The following NAPEPLD variants were observed in gnomAD, a reference collection of about 807,000 sequenced individuals.
NAPEPLD encodes N-acyl phosphatidylethanolamine phospholipase D, also known as N-acyl-phosphatidylethanolamine-hydrolyzing phospholipase D.
Under a neutral mutation model 38.1 loss-of-function variants are expected in NAPEPLD, and 23 were observed. The ratio of observed to expected loss-of-function variants is 0.60; its 90% CI spans 0.43 to 0.86. The LOEUF (loss-of-function observed/expected upper bound fraction) is 0.86, where lower values mean the gene tolerates loss of function less well. Among genes scored for constraint, NAPEPLD ranks in the 40% least tolerant of loss-of-function variants. The probability of loss-of-function intolerance (pLI) is 0.00; values close to 1 mark genes in which losing one functional copy is unlikely to be tolerated. For synonymous variants in NAPEPLD, 147 were observed against 162.0 expected, an observed-to-expected ratio of 0.91 and a Z score of 0.71; for missense variants, 411 against 476.8, an observed-to-expected ratio of 0.86 and a Z score of 1.28.
In NAPEPLD at chr7:103,124,772, C is replaced by T. The variant is rs141467951; in HGVS notation, c.294+3711G>A. Among the ~76,000 whole-genome samples the T allele has an allele frequency of 2.0e-4, 30 of 152,278 alleles. No homozygotes were observed. The East Asian group carries it at 5.6e-3, about 28-fold the overall frequency. On this transcript the variant is annotated intron_variant, in intron 2 of 4. Transcript: ENST00000465647. ...AAATTTGTGAAGCAAATATTACTGC[C>T]ATTTTACAGATGACCAGACCAAGGC...
At chr7:103,105,932 CAAAAA>C (rs1194781765) in intron 4 of NAPEPLD, among the ~76,000 whole-genome samples, 8 of 49,982 alleles carry the variant, frequency 1.6e-4, no homozygotes, top group Non-Finnish European at 2.2e-4. Context: ...GACTCCGTCT[CAAAAA>C]AAAAAAAAAA....
chr7:103,136,409 TA>T (rs10611860), intron 1 of NAPEPLD, among the ~76,000 whole-genome samples: 106,352 of 142,010 alleles, frequency 0.75, 41,986 homozygotes, highest in East Asian at 0.99. Flanking sequence ...CTGTCTCTAC[TA>T]AAAAAAAAAA....
At chr7:103,145,183 G>A (rs185053197) in intron 1 of NAPEPLD, among the ~76,000 whole-genome samples, 1 of 152,304 alleles carries the variant, frequency 6.6e-6, no homozygotes, top group Non-Finnish European at 1.5e-5. Flanking sequence ...AAAGTAAGAT[G>A]TGAAGGTATT....
intron 4 of NAPEPLD, among the ~76,000 whole-genome samples, chr7:103,112,128 A>C (rs1402640059): frequency 6.6e-6 from 1 of 152,220 alleles, no homozygotes; most frequent in Non-Finnish European, 1.5e-5. Context: ...GATGTGGAGA[A>C]ATAGGAATGC....
intron 1 of NAPEPLD, among the ~76,000 whole-genome samples, chr7:103,146,661 C>T (rs536533071): frequency 2.0e-5 from 3 of 152,316 alleles, no homozygotes; most frequent in African/African-American, 7.2e-5. Flanking sequence ...GAGCCAACAG[C>T]ACTGGCCATT....
rs888895072 is a variant in NAPEPLD, at chr7:103,149,079, C to T, written c.-285G>A. On this transcript the variant is annotated 5_prime_UTR_variant, in exon 1 of 5. Transcript: ENST00000465647. The stretch of plus-strand genomic sequence containing the variant: ...CTCCACTTCGCCGAAGAATTCCAAA[C>T]CACCCCAGGCTCAGCAGTGTGGATT... 1.0e-6 allele frequency: 1 copy of T among 985,376 alleles called. No individual in the cohort carries two copies. Among genetic ancestry groups the T allele is most frequent in the African/African-American group, 1.7e-5 (1 of 57,238 alleles). 61.0% of individuals were successfully genotyped at this position (985,376 alleles called of 1,614,324 possible).
chr7:103,112,614 G>T (rs1490070167), intron 4 of NAPEPLD, among the ~76,000 whole-genome samples: 1 of 152,010 alleles, frequency 6.6e-6, no homozygotes, highest in African/African-American at 2.4e-5. Context: ...GGGGTGGGGG[G>T]CTACGGGAGG....
At chr7:103,119,069 G>T (rs975502961) in intron 3 of NAPEPLD, among the ~76,000 whole-genome samples, 15 of 152,206 alleles carry the variant, frequency 9.9e-5, no homozygotes, top group Non-Finnish European at 2.2e-4. Context: ...GTTATATAAA[G>T]AAAGTATTCT....
chr7:103,118,596 G>T (rs1226045641), intron 3 of NAPEPLD, among the ~76,000 whole-genome samples: 1 of 152,108 alleles, frequency 6.6e-6, no homozygotes, highest in Non-Finnish European at 1.5e-5. Flanking sequence ...TCCACTTATG[G>T]AATTACCTAA....
At chr7:103,111,341 G>A (rs1456819781) in intron 4 of NAPEPLD, among the ~76,000 whole-genome samples, 1 of 152,120 alleles carries the variant, frequency 6.6e-6, no homozygotes, top group Non-Finnish European at 1.5e-5. Flanking sequence ...GAGGCATCAT[G>A]CTACCTGACT....
intron 1 of NAPEPLD, among the ~76,000 whole-genome samples, chr7:103,131,629 C>T (rs1330042325): frequency 6.6e-6 from 1 of 150,722 alleles, no homozygotes; most frequent in Non-Finnish European, 1.5e-5. Flanking sequence ...TGTTGCACTC[C>T]AGCCTGGGTG....
At chr7:103,149,541 G>A, upstream of NAPEPLD, 1 of 1,214,568 alleles carries the variant, frequency 8.2e-7, no homozygotes, top group Non-Finnish European at 1.1e-6. Context: ...CTGACAGCAG[G>A]GCCAGCGGTG....
At chr7:103,141,975 CT>C in intron 1 of NAPEPLD, 1 of 736,692 alleles carries the variant, frequency 1.4e-6, no homozygotes, top group Non-Finnish European at 2.4e-6. Context: ...AAGAGCTCCC[CT>C]GTGGAGCTTT....
chr7:103,124,178 A>T (rs1399039883), intron 2 of NAPEPLD, among the ~76,000 whole-genome samples: 1 of 151,856 alleles, frequency 6.6e-6, no homozygotes, highest in East Asian at 1.9e-4. Flanking sequence ...ATAATAATAG[A>T]CCAGGCACAG....
chr7:103,126,234 C>T (rs144538817), intron 2 of NAPEPLD, among the ~76,000 whole-genome samples: 1 of 152,162 alleles, frequency 6.6e-6, no homozygotes, highest in African/African-American at 2.4e-5. Context: ...GGTCTGCCTG[C>T]ACTTCTCCAA....
Position 103,103,537 on chromosome 7 carries a change from TG to T in NAPEPLD, c.1073del (p.Pro358GlnfsTer2). ...ALANEHYLEPPVKLNEALERY... is the reference protein window; with the variant it reads ...ALANEHYLEPXVKLNEALERY... ...TCTCTAGAGCTTCATTCAGCTTCAC[TG>T]GAGGCTCTAAGTAATGCTGGCCAAA... On this transcript the variant is annotated frameshift_variant, in exon 5 of 5. Transcript: ENST00000465647. LOFTEE classifies it high-confidence loss of function. 1 of 1,589,142 alleles carries T rather than the reference TG, an allele frequency of 6.3e-7. No homozygotes were observed. The highest frequency in any genetic ancestry group is 1.2e-5 in the South Asian group (1 of 84,584).
At chr7:103,133,050 C>CA (rs1809291432) in intron 1 of NAPEPLD, among the ~76,000 whole-genome samples, 1 of 151,992 alleles carries the variant, frequency 6.6e-6, no homozygotes, top group African/African-American at 2.4e-5. Flanking sequence ...AAACAAAAAA[C>CA]AAAAAAATCT....
chr7:103,149,597 CT>C (rs1396416305), upstream of NAPEPLD: 2 of 829,004 alleles, frequency 2.4e-6, no homozygotes, highest in East Asian at 1.2e-4. Context: ...ATGGCCGCCC[CT>C]GTGGGCCGGG....
At chr7:103,131,264 G>C (rs1314939704) in intron 1 of NAPEPLD, among the ~76,000 whole-genome samples, 1 of 151,878 alleles carries the variant, frequency 6.6e-6, no homozygotes, top group Non-Finnish European at 1.5e-5. Context: ...AAGGGATAAG[G>C]GAGAAAGGAA....
Sources: gnomAD v4.1 joint callset for allele counts (sites outside exome capture counted in the v4.1 genomes callset) on GRCh38, gnomAD v4.1.1 for gene constraint, MANE v1.5 for transcripts, NCBI Gene and HGNC (gene_info 2026-07-23, HGNC 2026-07-21) for gene names.